The following PTS variants were observed in gnomAD, a reference collection of about 807,000 sequenced individuals.
The protein encoded by PTS is 6-pyruvoyl tetrahydrobiopterin synthase.
A neutral mutation model predicts 20.6 loss-of-function variants in PTS; 23 were observed. The ratio of observed to expected loss-of-function variants is 1.12; its 90% CI spans 0.80 to 1.58. The LOEUF (loss-of-function observed/expected upper bound fraction) is 1.58. Among genes scored for constraint, PTS ranks in the 40% most tolerant of loss-of-function variants. The pLI is 0.00. For missense variants in PTS, 186 were observed against 182.4 expected (o/e 1.02, Z -0.11); for synonymous variants, 65 against 62.5 (o/e 1.04, Z -0.19).
intron 4 of PTS, 56 bp from the exon 5 acceptor site, chr11:112,233,107 T>G: frequency 6.6e-7 from 1 of 1,508,716 alleles, no homozygotes; most frequent in South Asian, 1.1e-5. Flanking sequence ...GTGGAACAAT[T>G]TGGAATTTGA....
intron 3 of PTS, 121 bp downstream of exon 3, chr11:112,230,351 A>ATG: frequency 8.0e-7 from 1 of 1,254,364 alleles, no homozygotes; most frequent in Non-Finnish European, 1.2e-6. Flanking sequence ...GCCCTTGTAT[A>ATG]TGTGTGTGTG....
intron 1 of PTS, 169 bp from the exon 2 acceptor site, chr11:112,228,425 T>C (rs1222065562): frequency 4.7e-6 from 3 of 635,484 alleles, no homozygotes; most frequent in Non-Finnish European, 8.2e-6. Context: ...TTGTGACGTA[T>C]ACGTAAGTAA....
chr11:112,230,719 C>T (rs373939598), intron 4 of PTS, 37 bp downstream of exon 4: 126 of 1,553,226 alleles, frequency 8.1e-5, no homozygotes, highest in Non-Finnish European at 1.0e-4. Flanking sequence ...GTGCTATTCC[C>T]TAACTGTAAT....
intron 1 of PTS, among the ~76,000 whole-genome samples, chr11:112,227,819 T>C (rs910933044): frequency 1.3e-5 from 2 of 151,954 alleles, no homozygotes; most frequent in Admixed American, 6.6e-5. Flanking sequence ...GGGGATCACA[T>C]TTCAACATGA....
At position 112,228,633 on chromosome 11, in the gene PTS, G is replaced by A; in HGVS notation, c.123G>A (p.Gly41=). The change falls in exon 2 of 6, where the codon GGG becomes GGA. Residue 41 remains glycine (G), a synonymous_variant. Coordinates refer to ENST00000280362, the MANE Select transcript of PTS (RefSeq NM_000317.3). ...LSDEENLKLF[G]KCNNPNGHGH... ...ATGAAGAAAACTTGAAACTGTTTGG[G>A]AAATGCAACAATCCAAATGGCCATG... 6.2e-7 allele frequency: 1 copy of A among 1,611,424 alleles called. No homozygotes were observed. Among genetic ancestry groups the A allele is most frequent in the Non-Finnish European group, 8.5e-7 (1 of 1,179,694 alleles).
chr11:112,230,654 A>G lies in PTS; in HGVS notation c.215A>G (p.Asn72Ser). Residue 72 changes from asparagine (N) to serine (S), a missense_variant, in exon 4 of 6, where the codon AAT (asparagine) becomes AGT (serine). By Grantham distance (46) the Asn-to-Ser change is conservative. Coordinates refer to ENST00000280362, the MANE Select transcript of PTS (RefSeq NM_000317.3). The part of the protein sequence containing the change: ...EIDPATGMVM[N>S]LADLKKYMEE... ...GACCCTGCTACGGGAATGGTTATGAATCTGGCTGATCTCAAAAAATATATG... is the reference window on the plus strand; with the variant it reads ...GACCCTGCTACGGGAATGGTTATGAGTCTGGCTGATCTCAAAAAATATATG... 10 of 1,611,342 alleles carry G rather than the reference A, an allele frequency of 6.2e-6. 1 individual carries two copies. Among genetic ancestry groups the G allele is most frequent in the Non-Finnish European group, 8.5e-6 (10 of 1,177,454 alleles).
intron 1 of PTS, 41 bp from the exon 2 acceptor site, chr11:112,228,553 A>T (rs1414648737): frequency 2.0e-6 from 3 of 1,517,800 alleles, no homozygotes; most frequent in Admixed American, 3.4e-5. Context: ...TTTGAATGTG[A>T]TACTTGTGTC....
At chr11:112,229,955 T>C (rs1859909049) in intron 2 of PTS, 1 of 562,186 alleles carries the variant, frequency 1.8e-6, no homozygotes, top group Admixed American at 3.1e-5. Flanking sequence ...CTTTTCAGCC[T>C]TGGCCGAGTG....
intron 2 of PTS, 105 bp downstream of exon 2, chr11:112,228,778 C>T: frequency 2.0e-6 from 2 of 997,450 alleles, no homozygotes; most frequent in Non-Finnish European, 3.1e-6. Flanking sequence ...AGTGTGAATG[C>T]TTTGAGCCTT....
At chr11:112,228,387 A>G (rs891981445) in intron 1 of PTS, 5 of 598,334 alleles carry the variant, frequency 8.4e-6, no homozygotes, top group Non-Finnish European at 1.5e-5. Flanking sequence ...GTATGGTACA[A>G]TCTTCTAATT....
intron 4 of PTS, among the ~76,000 whole-genome samples, chr11:112,231,616 A>G (rs1446818307): frequency 6.6e-6 from 1 of 152,166 alleles, no homozygotes; most frequent in Non-Finnish European, 1.5e-5. Flanking sequence ...TTACTTATTC[A>G]TATATTCAAC....
intron 4 of PTS, among the ~76,000 whole-genome samples, chr11:112,231,695 T>C (rs568163877): frequency 1.3e-5 from 2 of 152,116 alleles, no homozygotes; most frequent in South Asian, 4.2e-4. Flanking sequence ...GCCCACAGAG[T>C]GTATACATTA....
chr11:112,233,318 T>G, intron 5 of PTS, 85 bp downstream of exon 5: 2 of 1,548,036 alleles, frequency 1.3e-6, no homozygotes. Flanking sequence ...TTTCTGAAGT[T>G]TTAATTTAAT....
chr11:112,232,373 G>T (rs1024186830), intron 4 of PTS, among the ~76,000 whole-genome samples: 7 of 152,066 alleles, frequency 4.6e-5, no homozygotes, highest in Non-Finnish European at 2.9e-5. Context: ...TCCCTTCATT[G>T]GATATATTTC....
chr11:112,231,906 G>C (rs1276306253), intron 4 of PTS, among the ~76,000 whole-genome samples: 36 of 138,588 alleles, frequency 2.6e-4, no homozygotes, highest in Admixed American at 1.0e-3. Flanking sequence ...GAGAAGAGGA[G>C]GGGGAGGGGA....
intron 2 of PTS, chr11:112,229,342 A>C (rs1859901895): frequency 6.6e-6 from 1 of 152,412 alleles, no homozygotes; most frequent in Non-Finnish European, 1.5e-5. Context: ...ACTAAAATAC[A>C]TAAATTCATA....
chr11:112,227,692 G>A (rs1859883252), intron 1 of PTS, among the ~76,000 whole-genome samples: 2 of 152,106 alleles, frequency 1.3e-5, no homozygotes, highest in East Asian at 1.9e-4. Flanking sequence ...CAACCAGCTC[G>A]CCCATTGACT....
intron 2 of PTS, chr11:112,228,917 C>A (rs1859898506): frequency 1.8e-6 from 1 of 545,224 alleles, no homozygotes; most frequent in Admixed American, 3.3e-5. Flanking sequence ...AAGCATTTTT[C>A]TTTGTCCTAG....
chr11:112,231,141 G>T (rs1243788830), intron 4 of PTS, among the ~76,000 whole-genome samples: 1 of 151,714 alleles, frequency 6.6e-6, no homozygotes, highest in African/African-American at 2.4e-5. Context: ...CTCCCAAAGT[G>T]CTGGAATTAC....
Sources: gnomAD v4.1 joint callset for allele counts (sites outside exome capture counted in the v4.1 genomes callset) on GRCh38, gnomAD v4.1.1 for gene constraint, MANE v1.5 for transcripts, NCBI Gene and HGNC (gene_info 2026-07-23, HGNC 2026-07-21) for gene names.